Variants in RNF11 observed in about 807,000 individuals in gnomAD.
The protein encoded by RNF11 is ring finger protein 11.
A neutral mutation model predicts 15.8 loss-of-function variants in RNF11; 4 were observed. The ratio of observed to expected loss-of-function variants is 0.25; its 90% CI spans 0.12 to 0.58. The LOEUF (loss-of-function observed/expected upper bound fraction) is 0.58, where lower values mean the gene tolerates loss of function less well. Ranked by LOEUF, RNF11 falls within the 20% of genes least tolerant of loss-of-function variation. The pLI is 0.91. For synonymous variants in RNF11, 68 were observed against 72.3 expected (o/e 0.94, Z 0.30); for missense variants, 139 against 194.4 (o/e 0.71, Z 1.70).
At chr1:51,240,610 C>T (rs1242023911) in intron 1 of RNF11, among the ~76,000 whole-genome samples, 1 of 151,980 alleles carries the variant, frequency 6.6e-6, no homozygotes, top group African/African-American at 2.4e-5. Context: ...GTTAGGCATT[C>T]AGTAATTTGG....
In RNF11 at chr1:51,236,546, C is replaced by A; in HGVS notation, c.-211C>A. ...TCGCAGGAGGCGAACGCCGCGACCC[C>A]AGCGGAGCCCGCGGCCCAGCCTTGA... On this transcript the variant is annotated 5_prime_UTR_variant, in exon 1 of 3. Transcript: ENST00000242719. 1 of 292,340 alleles carries A rather than the reference C, an allele frequency of 3.4e-6. No homozygotes were observed. Among genetic ancestry groups the A allele is most frequent in the Non-Finnish European group, 6.2e-6 (1 of 160,240 alleles). 18.1% of individuals were successfully genotyped at this position (292,340 alleles called of 1,614,324 possible). A position where few individuals can be genotyped will look rare whatever the true frequency, so the allele number is the denominator to read the frequency against.
At chr1:51,263,132 G>C (rs1324028257) in intron 1 of RNF11, among the ~76,000 whole-genome samples, 1 of 152,034 alleles carries the variant, frequency 6.6e-6, no homozygotes, top group Non-Finnish European at 1.5e-5. Flanking sequence ...GAAAAGTTTG[G>C]CAGTTCTACA....
chr1:51,267,002 C>G (rs1044867054), intron 1 of RNF11, among the ~76,000 whole-genome samples: 5 of 152,124 alleles, frequency 3.3e-5, no homozygotes, highest in Non-Finnish European at 5.9e-5. Flanking sequence ...AATCTCAGCA[C>G]TTTGGGAGGC....
Position 51,270,089 on chromosome 1 carries a change from A to T in RNF11, c.257A>T (p.Asp86Val). 1 of 1,609,280 alleles carries T rather than the reference A, an allele frequency of 6.2e-7. No homozygotes were observed. The highest frequency in any genetic ancestry group is 8.5e-7 in the Non-Finnish European group (1 of 1,178,772). Reference sequence around the variant, plus strand: ...CAACATCTGCCTAAAGGAGTTTATGACCCTGGAAGAGATGGATCAGAAAAA... The same window carrying T: ...CAACATCTGCCTAAAGGAGTTTATGTCCCTGGAAGAGATGGATCAGAAAAA... ...LIQHLPKGVY[D>V]PGRDGSEKKI... Residue 86 changes from aspartate (D) to valine (V), a missense_variant, in exon 2 of 3, where the codon GAC becomes GTC. Asp to Val is a radical substitution (Grantham distance 152, BLOSUM62 -3). Transcript: ENST00000242719.
chr1:51,253,948 A>G (rs1161356354), intron 1 of RNF11, among the ~76,000 whole-genome samples: 1 of 152,102 alleles, frequency 6.6e-6, no homozygotes, highest in Non-Finnish European at 1.5e-5. Flanking sequence ...AGCCTGGACA[A>G]CATAGTGAGG....
chr1:51,260,219 G>A (rs1056310086), intron 1 of RNF11, among the ~76,000 whole-genome samples: 6 of 152,114 alleles, frequency 3.9e-5, no homozygotes, highest in African/African-American at 1.4e-4. Context: ...TTGGCTTCCA[G>A]TTCATTGCTG....
intron 1 of RNF11, among the ~76,000 whole-genome samples, chr1:51,261,237 A>G (rs1244509771): frequency 6.6e-6 from 1 of 152,216 alleles, no homozygotes; most frequent in East Asian, 1.9e-4. Flanking sequence ...AAGGTCAGGG[A>G]TAGAACTGCT....
At chr1:51,256,973 C>T (rs548815337) in intron 1 of RNF11, among the ~76,000 whole-genome samples, 1 of 152,318 alleles carries the variant, frequency 6.6e-6, no homozygotes, top group South Asian at 2.1e-4. Context: ...CGTGCCTGGT[C>T]GCAAAGCATA....
At chr1:51,256,560 CT>C (rs1459887728) in intron 1 of RNF11, among the ~76,000 whole-genome samples, 1 of 152,184 alleles carries the variant, frequency 6.6e-6, no homozygotes, top group Admixed American at 6.6e-5. Flanking sequence ...TATTTTTCAA[CT>C]CCTTTGGGTA....
chr1:51,252,805 T>TTG (rs145075866), intron 1 of RNF11, among the ~76,000 whole-genome samples: 6,636 of 143,962 alleles, frequency 0.046, 286 homozygotes, highest in African/African-American at 0.11. Flanking sequence ...TTTGTCCAGT[T>TTG]TGTGTGTGTG....
At chr1:51,269,923 AT>A (rs769216779) in intron 1 of RNF11, 32 bp from the exon 2 acceptor site, 1 of 1,580,728 alleles carries the variant, frequency 6.3e-7, no homozygotes, top group Non-Finnish European at 8.6e-7. Flanking sequence ...TTTTTAAAAA[AT>A]AATCTTTTTC....
intron 1 of RNF11, among the ~76,000 whole-genome samples, chr1:51,237,422 G>GTATATATATATATA (rs771390565): frequency 7.0e-6 from 1 of 143,608 alleles, no homozygotes; most frequent in African/African-American, 2.6e-5. Flanking sequence ...TTGTGTGTGT[G>GTATATATATATATA]TGTATATATA....
chr1:51,251,585 T>C, intron 1 of RNF11: 1 of 543,600 alleles, frequency 1.8e-6, no homozygotes, highest in East Asian at 3.1e-5. Flanking sequence ...GCATAAAATA[T>C]GTAAATACTA....
Position 51,236,887 on chromosome 1 carries a change from A to C in RNF11, c.123+8A>C. On this transcript the variant is annotated splice_region_variant and intron_variant, in intron 1 of 2. Transcript: ENST00000242719. ...CCGCCGCCGCCATATCAGGTAGGGGAGGGTGTGTGTTGGGGGGAGCGAGTA... is the reference window on the plus strand; with the variant it reads ...CCGCCGCCGCCATATCAGGTAGGGGCGGGTGTGTGTTGGGGGGAGCGAGTA... The C allele has an allele frequency of 6.2e-7, 1 of 1,608,244 alleles. No homozygotes were observed. Among genetic ancestry groups the C allele is most frequent in the South Asian group, 1.1e-5 (1 of 90,266 alleles).
intron 1 of RNF11, among the ~76,000 whole-genome samples, chr1:51,244,656 G>A (rs936912195): frequency 3.3e-5 from 5 of 152,206 alleles, no homozygotes; most frequent in Admixed American, 6.5e-5. Flanking sequence ...TTACAAGCGT[G>A]AGCCACCGCG....
At position 51,271,401 on chromosome 1, in the gene RNF11, G is replaced by A; in HGVS notation, c.*79G>A. 1 of 1,226,384 alleles carries A rather than the reference G, an allele frequency of 8.2e-7. No individual in the cohort carries two copies. The highest frequency in any genetic ancestry group is 1.1e-6 in the Non-Finnish European group (1 of 882,354). 76.0% of individuals were successfully genotyped at this position (1,226,384 alleles called of 1,614,324 possible). On this transcript the variant is annotated 3_prime_UTR_variant, in exon 3 of 3. Coordinates refer to ENST00000242719, the MANE Select transcript of RNF11 (RefSeq NM_014372.5). ...TTTTGTCACTGAGCCCAAAGAGCCAGGGATTAGGAATTAAGATCGTGCACA... is the reference window on the plus strand; with the variant it reads ...TTTTGTCACTGAGCCCAAAGAGCCAAGGATTAGGAATTAAGATCGTGCACA...
intron 1 of RNF11, among the ~76,000 whole-genome samples, chr1:51,248,757 A>G (rs72896475): frequency 0.021 from 3,204 of 152,246 alleles, 95 homozygotes; most frequent in African/African-American, 0.065. Context: ...TCTTACTTGG[A>G]ACTTGAGTAT....
intron 1 of RNF11, among the ~76,000 whole-genome samples, chr1:51,240,731 TGTAGATCAG>T (rs1646825581): frequency 1.3e-5 from 2 of 152,256 alleles, no homozygotes; most frequent in Non-Finnish European, 2.9e-5. Flanking sequence ...GCTTCTATAT[TGTAGATCAG>T]GTTTTTTTTT....
intron 1 of RNF11, chr1:51,251,457 T>C (rs1293054319): frequency 1.5e-6 from 1 of 680,666 alleles, no homozygotes; most frequent in Non-Finnish European, 2.5e-6. Flanking sequence ...CCCGCTGCAC[T>C]GGTGTCATCC....
Sources: allele counts gnomAD v4.1 joint callset (sites outside exome capture counted in the v4.1 genomes callset), GRCh38; gene constraint gnomAD v4.1.1; transcripts MANE v1.5; gene names NCBI Gene and HGNC (gene_info 2026-07-23, HGNC 2026-07-21).